The following NT5C2 variants were observed in gnomAD, a reference collection of about 807,000 sequenced individuals.
NT5C2 encodes cytosolic purine 5'-nucleotidase.
A neutral mutation model predicts 76.1 loss-of-function variants in NT5C2; 58 were observed. The ratio of observed to expected loss-of-function variants is 0.76; its 90% confidence interval spans 0.62 to 0.95. NT5C2 has a LOEUF of 0.95. NT5C2 is among the 40% of genes least tolerant of loss of function. The pLI, the probability that NT5C2 is intolerant of heterozygous loss-of-function variation, is 0.00. For synonymous variants in NT5C2, 229 were observed against 237.4 expected, an observed-to-expected ratio of 0.96 and a Z score of 0.32; for missense variants, 478 against 690.3, an observed-to-expected ratio of 0.69 and a Z score of 3.45.
intron 3 of NT5C2, among the ~76,000 whole-genome samples, chr10:103,172,124 C>T (rs1055033553): frequency 2.6e-5 from 4 of 152,014 alleles, no homozygotes; most frequent in African/African-American, 9.6e-5. Flanking sequence ...GCAGGAGAAT[C>T]GCTTGAACCT....
At chr10:103,186,511 A>G (rs1031658810) in intron 1 of NT5C2, among the ~76,000 whole-genome samples, 8 of 152,246 alleles carry the variant, frequency 5.3e-5, no homozygotes, top group African/African-American at 1.9e-4. Context: ...CTATAGCTAT[A>G]GGTTTGTTTC....
intron 4 of NT5C2, among the ~76,000 whole-genome samples, chr10:103,134,336 C>T (rs954391799): frequency 1.3e-5 from 2 of 152,160 alleles, no homozygotes; most frequent in Non-Finnish European, 1.5e-5. Context: ...TGCAGTCTGG[C>T]GACTTAGTGC....
At chr10:103,171,697 C>G (rs2134602442) in intron 3 of NT5C2, among the ~76,000 whole-genome samples, 1 of 152,232 alleles carries the variant, frequency 6.6e-6, no homozygotes, top group East Asian at 1.9e-4. Context: ...CCCAAGGACC[C>G]TAACTACTTA....
chr10:103,163,667 T>C (rs1415070956), intron 3 of NT5C2, among the ~76,000 whole-genome samples: 1 of 151,670 alleles, frequency 6.6e-6, no homozygotes, highest in Non-Finnish European at 1.5e-5. Flanking sequence ...TTTATCGAAT[T>C]TTTTTCAGTC....
chr10:103,101,403 TAACTC>T (rs1293015501), intron 6 of NT5C2, 77 bp from the exon 7 acceptor site: 10 of 827,766 alleles, frequency 1.2e-5, no homozygotes, highest in Non-Finnish European at 1.7e-5. Flanking sequence ...ATTCAAAAAT[TAACTC>T]AAATATTTTG....
chr10:103,170,388 A>T (rs1421661842), intron 3 of NT5C2, among the ~76,000 whole-genome samples: 1 of 152,130 alleles, frequency 6.6e-6, no homozygotes, highest in African/African-American at 2.4e-5. Flanking sequence ...TATTGTTTCC[A>T]GTACATACAC....
In NT5C2 at chr10:103,139,454, T is replaced by C. The variant is rs1141098; in HGVS notation, c.127A>G (p.Met43Val). 2 of 1,579,322 alleles carry C rather than the reference T, an allele frequency of 1.3e-6. No individual in the cohort carries two copies. Among genetic ancestry groups the C allele is most frequent in the South Asian group, 1.1e-5 (1 of 86,990 alleles). Residue 43 changes from methionine (M) to valine (V), a missense_variant, in exon 4 of 19, where the codon ATG becomes GTG. Transcript: ENST00000404739. ...HRVFVNRSLA[M>V]EKIKCFGFDM... ...AAACCAAAACACTTTATCTTTTCCA[T>C]TGCTAAACTTCGGTTCACAAACACC...
chr10:103,187,840 C>T (rs915382001), intron 1 of NT5C2, among the ~76,000 whole-genome samples: 1 of 152,046 alleles, frequency 6.6e-6, no homozygotes. Flanking sequence ...ACATGTACTA[C>T]TCATCTTTAA....
intron 4 of NT5C2, among the ~76,000 whole-genome samples, chr10:103,138,081 A>G (rs1283396258): frequency 6.6e-6 from 1 of 152,184 alleles, no homozygotes; most frequent in Non-Finnish European, 1.5e-5. Flanking sequence ...GCTGATGAAA[A>G]CATCTACACA....
At chr10:103,190,511 G>C (rs577290539) in intron 1 of NT5C2, among the ~76,000 whole-genome samples, 1 of 152,132 alleles carries the variant, frequency 6.6e-6, no homozygotes, top group Non-Finnish European at 1.5e-5. Context: ...ATGTGTGCCA[G>C]TATCACTTCA....
chr10:103,105,631 A>C, intron 6 of NT5C2, 75 bp downstream of exon 6: 1 of 958,884 alleles, frequency 1.0e-6, no homozygotes, highest in Non-Finnish European at 1.6e-6. Flanking sequence ...AATATATTAC[A>C]TCTGGGGAGA....
intron 11 of NT5C2, 42 bp from the exon 12 acceptor site, chr10:103,096,022 G>C (rs578142023): frequency 6.9e-7 from 1 of 1,457,126 alleles, no homozygotes; most frequent in Non-Finnish European, 9.6e-7. Context: ...TACTACTTTT[G>C]CAAAAGGTAT....
intron 3 of NT5C2, among the ~76,000 whole-genome samples, chr10:103,167,369 A>G (rs375789958): frequency 6.6e-5 from 10 of 152,128 alleles, no homozygotes; most frequent in Admixed American, 2.6e-4. Flanking sequence ...CAGAGGACCT[A>G]TATTTTCCGC....
At chr10:103,136,673 G>A (rs1176451643) in intron 4 of NT5C2, among the ~76,000 whole-genome samples, 1 of 149,066 alleles carries the variant, frequency 6.7e-6, no homozygotes, top group Admixed American at 6.7e-5. Context: ...TGCCCAGGCT[G>A]GAGTGCATTG....
At chr10:103,156,778 C>T (rs1194776772) in intron 3 of NT5C2, among the ~76,000 whole-genome samples, 3 of 150,926 alleles carry the variant, frequency 2.0e-5, no homozygotes, top group Non-Finnish European at 4.4e-5. Flanking sequence ...CTTTCAAGGG[C>T]CAGGTACAGT....
At chr10:103,173,423 C>A (rs2088812428) in intron 3 of NT5C2, among the ~76,000 whole-genome samples, 1 of 149,842 alleles carries the variant, frequency 6.7e-6, no homozygotes, top group South Asian at 2.1e-4. Flanking sequence ...CAAGACCATC[C>A]TGGCTAACAC....
chr10:103,110,374 TGAACCCAGGAGG>T (rs988676310), intron 4 of NT5C2, among the ~76,000 whole-genome samples: 2 of 152,162 alleles, frequency 1.3e-5, no homozygotes, highest in South Asian at 2.1e-4. Context: ...GAGAAATGCT[TGAACCCAGGAGG>T]CGGAGGTTGC....
chr10:103,170,709 T>C (rs2087738024), intron 3 of NT5C2, among the ~76,000 whole-genome samples: 1 of 151,238 alleles, frequency 6.6e-6, no homozygotes, highest in African/African-American at 2.4e-5. Flanking sequence ...TTTTTTTTTG[T>C]AGAGACAGGG....
Position 103,097,497 on chromosome 10 carries a change from T to C in NT5C2, c.688-123A>G, listed in dbSNP as rs905109644. The stretch of plus-strand genomic sequence containing the variant: ...GGGAACCTTTTAAGGGTTAGCTGAT[T>C]TCAGAATTTTGCACTTAAAAGCCCA... On this transcript the variant is annotated intron_variant, in intron 10 of 18. Transcript: ENST00000404739. 12 of 749,056 alleles carry C rather than the reference T, an allele frequency of 1.6e-5. 1 individual carries two copies. In the Admixed American group the frequency reaches 3.0e-4, roughly 19 times the overall value. 46.4% of individuals were successfully genotyped at this position (749,056 alleles called of 1,614,324 possible). A position where few individuals can be genotyped will look rare whatever the true frequency, so the allele number is the denominator to read the frequency against.
Sources: allele counts gnomAD v4.1 joint callset (sites outside exome capture counted in the v4.1 genomes callset), GRCh38; gene constraint gnomAD v4.1.1; transcripts MANE v1.5; gene names NCBI Gene and HGNC (gene_info 2026-07-23, HGNC 2026-07-21).